Variants in NRXN2 observed in about 807,000 individuals in gnomAD.
NRXN2 encodes the protein neurexin-2-beta.
A neutral mutation model predicts 128.8 loss-of-function variants in NRXN2; 29 were observed. The ratio of observed to expected loss-of-function variants is 0.23; its 90% CI spans 0.17 to 0.31. The LOEUF is 0.31. NRXN2 is among the 10% of genes least tolerant of loss of function. The pLI is 1.00. For synonymous variants in NRXN2, 1,098 were observed against 1,075.2 expected (o/e 1.02, Z -0.41); for missense variants, 1,881 against 2,452.6 (o/e 0.77, Z 4.92).
intron 5 of NRXN2, chr11:64,688,371 G>C (rs2053359705): frequency 1.0e-6 from 1 of 985,326 alleles, no homozygotes; most frequent in African/African-American, 1.7e-5. Flanking sequence ...TTCGAGAAGA[G>C]GGACAGAAAA....
chr11:64,706,064 T>TTA (rs149799719), intron 2 of NRXN2, among the ~76,000 whole-genome samples: 3,250 of 75,656 alleles, frequency 0.043, 413 homozygotes, highest in East Asian at 0.12. Context: ...TACAGCACTT[T>TTA]TATATATATA....
At chr11:64,695,959 T>G (rs2054456231) in intron 3 of NRXN2, among the ~76,000 whole-genome samples, 2 of 152,008 alleles carry the variant, frequency 1.3e-5, no homozygotes, top group Admixed American at 1.3e-4. Context: ...TCTTCCCAAG[T>G]GCCCCCCTGC....
chr11:64,648,492 G>A lies in NRXN2; in HGVS notation c.3284-154C>T, dbSNP rs71579861. On this transcript the variant is annotated intron_variant, in intron 16 of 22. Transcript: ENST00000265459. This position sits in a 1 kb window ranked among gnomAD's most constrained non-coding sequence, Gnocchi z 4.1. The stretch of plus-strand genomic sequence containing the variant: ...ACTGATGACAGGGATTGGGGCAGGA[G>A]GGTCAGGTCTGCTAGGCTTGGCCTT... Among the ~76,000 whole-genome samples the A allele has an allele frequency of 1.8e-4, 28 of 152,348 alleles. No homozygotes were observed. The highest frequency in any genetic ancestry group is 2.6e-4 in the Admixed American group (4 of 15,310).
chr11:64,661,745 C>T (rs978345020), intron 9 of NRXN2, among the ~76,000 whole-genome samples: 2 of 152,172 alleles, frequency 1.3e-5, no homozygotes, highest in African/African-American at 4.8e-5. Context: ...GACTGGGGAA[C>T]AGTGCCAAAG....
At chr11:64,620,440 C>T in intron 21 of NRXN2, 68 bp from the exon 22 acceptor site, 2 of 1,261,594 alleles carry the variant, frequency 1.6e-6, no homozygotes, top group Non-Finnish European at 2.3e-6. Flanking sequence ...ACAGCTGCCA[C>T]TTGAGGTGCA....
intron 19 of NRXN2, among the ~76,000 whole-genome samples, chr11:64,627,014 G>A (rs2043156528): frequency 6.6e-6 from 1 of 152,148 alleles, no homozygotes; most frequent in Non-Finnish European, 1.5e-5. Flanking sequence ...GGAAGGATGG[G>A]TTAAGCGGGG....
At chr11:64,688,148 T>C (rs992863541) in intron 5 of NRXN2, among the ~76,000 whole-genome samples, 2 of 151,072 alleles carry the variant, frequency 1.3e-5, no homozygotes, top group Admixed American at 6.6e-5. Context: ...AAGAGGCGGG[T>C]CTGGGGCTGG....
At chr11:64,717,164 C>G (rs975552741) in intron 1 of NRXN2, among the ~76,000 whole-genome samples, 1 of 152,194 alleles carries the variant, frequency 6.6e-6, no homozygotes, top group Non-Finnish European at 1.5e-5. Context: ...AAGGCAACAG[C>G]TCCTCCCCAG....
chr11:64,635,451 G>A lies in NRXN2; in HGVS notation c.3405C>T (p.Pro1135=), dbSNP rs773013797. ...CCTTCCCAAAGATGTATGTGGTCCC[G>A]GCTGCAGAGAGAAGGAAAGGGAGAC... ...TSYGGPVCND[P]GTTYIFGKGG... The change falls in exon 18 of 23, where the codon CCC becomes CCT. Residue 1135 remains proline, a splice_region_variant and synonymous_variant. Coordinates refer to ENST00000265459, the MANE Select transcript of NRXN2 (RefSeq NM_015080.4). This position sits in a 1 kb window ranked among gnomAD's most constrained non-coding sequence, Gnocchi z 4.8. 8.5e-5 allele frequency: 137 copies of A among 1,613,546 alleles called. No individual in the cohort carries two copies. The highest frequency in any genetic ancestry group is 1.1e-4 in the Non-Finnish European group (129 of 1,179,970).
rs1483546562 is a variant in NRXN2 at position 64,713,256 on chromosome 11, G to A, written c.444C>T (p.Ser148=). Residue 148 remains serine, a synonymous_variant, in exon 2 of 23, where the codon AGC becomes AGT. Transcript: ENST00000265459. ...GCGGGATGCCGCCCACGAACAGGTC[G>A]CTGGCCACCTGCATCTCGCGCCGCT... ...RSKRREMQVA[S]DLFVGGIPPD... is the part of the protein sequence containing the mutation. 2 of 1,438,258 alleles carry A rather than the reference G, an allele frequency of 1.4e-6. No individual in the cohort carries two copies. The highest frequency in any genetic ancestry group is 1.8e-6 in the Non-Finnish European group (2 of 1,096,696). 89.1% of individuals were successfully genotyped at this position (1,438,258 alleles called of 1,614,324 possible).
At chr11:64,652,664 A>G (rs574906345) in intron 12 of NRXN2, among the ~76,000 whole-genome samples, 87 of 152,290 alleles carry the variant, frequency 5.7e-4, no homozygotes, top group Non-Finnish European at 1.1e-3. Context: ...CCTCTGTTAC[A>G]CAGACACCAG....
chr11:64,669,989 T>G (rs932309500), intron 7 of NRXN2, among the ~76,000 whole-genome samples: 1 of 151,878 alleles, frequency 6.6e-6, no homozygotes, highest in Non-Finnish European at 1.5e-5. Flanking sequence ...CCACCAGCCA[T>G]CTTCCAGCGA....
At chr11:64,661,870 C>T (rs1044029401) in intron 9 of NRXN2, among the ~76,000 whole-genome samples, 1 of 152,142 alleles carries the variant, frequency 6.6e-6, no homozygotes, top group Admixed American at 6.5e-5. Flanking sequence ...GGTGCACAAG[C>T]AGATTGGCTC....
intron 6 of NRXN2, among the ~76,000 whole-genome samples, chr11:64,683,922 C>T (rs1391205514): frequency 6.6e-6 from 1 of 152,216 alleles, no homozygotes; most frequent in African/African-American, 2.4e-5. Context: ...TCCCACCTCC[C>T]CTAGCCACAG....
rs970875234 is a variant in NRXN2, at chr11:64,635,931, T to C, written c.3404-479A>G. ...GTGATGGCAGGAAGATGAGCAGAGC[T>C]GTGTGCAGCTCTGACTCACGGCCAG... On this transcript the variant is annotated intron_variant, in intron 17 of 22. Transcript: ENST00000265459. The surrounding 1 kb of genome is among the most constrained non-coding windows in gnomAD (Gnocchi z 4.8). Among the ~76,000 whole-genome samples the C allele has an allele frequency of 6.6e-6, 1 of 152,020 alleles. No homozygotes were observed. Among genetic ancestry groups the C allele is most frequent in the African/African-American group, 2.4e-5 (1 of 41,374 alleles).
At position 64,660,543 on chromosome 11, in the gene NRXN2, C is replaced by T; in HGVS notation, c.2186-8G>A. The stretch of plus-strand genomic sequence containing the variant: ...AGCTCAGGACCGTGGCCTCTGCCCA[C>T]AGGAGTTGGGGAAGAGGGAAGGAGA... On this transcript the variant is annotated splice_region_variant and splice_polypyrimidine_tract_variant and intron_variant, in intron 10 of 22. Transcript: ENST00000265459. This position sits in a 1 kb window ranked among gnomAD's most constrained non-coding sequence, Gnocchi z 5.2. 6.2e-7 allele frequency: 1 copy of T among 1,613,736 alleles called. No homozygotes were observed. The highest frequency in any genetic ancestry group is 8.5e-7 in the Non-Finnish European group (1 of 1,179,838).
Position 64,667,417 on chromosome 11 carries a change from C to G in NRXN2, c.1631G>C (p.Ser544Thr), listed in dbSNP as rs2050027164. ...QGRRAGGGAG[S>T]HSSAQRADYF... ...GTCGGCCCGCTGAGCAGAGCTGTGG[C>G]TGCCAGCTCCACCCCCAGCCCGCCG... Residue 544 changes from serine to threonine, a missense_variant, in exon 9 of 23, where the codon AGC becomes ACC. Ser to Thr is a moderately conservative substitution (Grantham distance 58). Coordinates refer to ENST00000265459, the MANE Select transcript of NRXN2 (RefSeq NM_015080.4). This position sits in a 1 kb window ranked among gnomAD's most constrained non-coding sequence, Gnocchi z 5.6. The G allele has an allele frequency of 3.1e-6, 5 of 1,614,060 alleles. No homozygotes were observed. The highest frequency in any genetic ancestry group is 3.4e-6 in the Non-Finnish European group (4 of 1,180,026).
At chr11:64,608,749 C>T (rs1263528820) in intron 22 of NRXN2, among the ~76,000 whole-genome samples, 1 of 152,220 alleles carries the variant, frequency 6.6e-6, no homozygotes, top group Non-Finnish European at 1.5e-5. Context: ...CCTGAACTCT[C>T]TCTCCGCCCT....
At chr11:64,637,881 A>T (rs2045002328) in intron 17 of NRXN2, among the ~76,000 whole-genome samples, 1 of 152,128 alleles carries the variant, frequency 6.6e-6, no homozygotes, top group African/African-American at 2.4e-5. Context: ...GGGCGGGAGG[A>T]AAAAGCCGGC....
Sources: gnomAD v4.1 joint callset for allele counts (sites outside exome capture counted in the v4.1 genomes callset) on GRCh38, gnomAD v4.1.1 for gene constraint, Gnocchi (gnomAD v3.1) non-coding constraint, MANE v1.5 for transcripts, NCBI Gene and HGNC (gene_info 2026-07-23, HGNC 2026-07-21) for gene names.